The following HAO2 variants were observed in gnomAD, a reference collection of about 807,000 sequenced individuals.
The protein encoded by HAO2 is hydroxyacid oxidase 2.
Under a neutral mutation model 37.4 loss-of-function variants are expected in HAO2, and 42 were observed. That is an observed-to-expected ratio of 1.12 (90% CI 0.88 to 1.45). The LOEUF (loss-of-function observed/expected upper bound fraction) is 1.45. Among genes scored for constraint, HAO2 ranks in the 40% most tolerant of loss-of-function variants. The probability of loss-of-function intolerance (pLI) is 0.00; values close to 1 mark genes in which losing one functional copy is unlikely to be tolerated. For synonymous variants in HAO2, 180 were observed against 162.8 expected, an observed-to-expected ratio of 1.11 and a Z score of -0.81; for missense variants, 476 against 430.2, an observed-to-expected ratio of 1.11 and a Z score of -0.94.
intron 5 of HAO2, among the ~76,000 whole-genome samples, chr1:119,388,041 G>T (rs587751733): frequency 6.6e-6 from 1 of 152,302 alleles, no homozygotes; most frequent in East Asian, 1.9e-4. Flanking sequence ...TCTCTGGTAA[G>T]AGCTGAACCG....
chr1:119,376,659 T>C (rs149888070), intron 1 of HAO2, among the ~76,000 whole-genome samples: 2 of 152,246 alleles, frequency 1.3e-5, no homozygotes, highest in African/African-American at 4.8e-5. Context: ...GACATCCAAG[T>C]GTTTCTATAC....
rs587627698 is a variant in HAO2, at chr1:119,393,663, A to G, written c.1001-122A>G. On this transcript the variant is annotated intron_variant, in intron 7 of 7. Coordinates refer to ENST00000325945, the MANE Select transcript of HAO2 (RefSeq NM_016527.4). ...ACGTTATTCATTCTGTATGTAAACC[A>G]TTTTATAAGAGTGAGCACAAAGATC... 3.7e-5 allele frequency: 30 copies of G among 818,122 alleles called. No homozygotes were observed. The African/African-American group carries it at 4.0e-4, about 11-fold the overall frequency. The allele number at this position is 818,122 out of a possible 1,614,324, so 50.7% of individuals were successfully genotyped here. A position where few individuals can be genotyped will look rare whatever the true frequency, so the allele number is the denominator to read the frequency against.
chr1:119,392,234 T>G lies in HAO2; in HGVS notation c.896T>G (p.Leu299Arg), dbSNP rs1650970477. ...ALALGAKCIF[L>R]GRPILWGLAC... is the part of the protein sequence containing the mutation. ...GCCCTTGGAGCTAAGTGCATTTTTC[T>G]TGGGAGACCAATCCTATGGGGCCTT... Residue 299 changes from leucine to arginine, a missense_variant, in exon 6 of 8, where the codon CTT (leucine) becomes CGT (arginine). Transcript: ENST00000325945. 6.2e-7 allele frequency: 1 copy of G among 1,613,476 alleles called. No homozygotes were observed. Among genetic ancestry groups the G allele is most frequent in the East Asian group, 2.2e-5 (1 of 44,838 alleles).
At chr1:119,390,534 C>T (rs888234847) in intron 5 of HAO2, among the ~76,000 whole-genome samples, 3 of 152,232 alleles carry the variant, frequency 2.0e-5, no homozygotes, top group Non-Finnish European at 4.4e-5. Flanking sequence ...TAGGCATGAG[C>T]CACTGTGCCC....
At chr1:119,391,870 T>A (rs1321562540) in intron 5 of HAO2, among the ~76,000 whole-genome samples, 1 of 152,180 alleles carries the variant, frequency 6.6e-6, no homozygotes. Flanking sequence ...TTCCAACTTG[T>A]AAGACAGTTA....
chr1:119,374,396 T>C (rs1189065112), intron 1 of HAO2, among the ~76,000 whole-genome samples: 2 of 152,226 alleles, frequency 1.3e-5, no homozygotes, highest in Admixed American at 6.5e-5. Context: ...CTATACCCTT[T>C]GTATCCACTA....
Position 119,392,279 on chromosome 1 carries a change from C to A in HAO2, c.930+11C>A, listed in dbSNP as rs751428628. 1.3e-6 allele frequency: 2 copies of A among 1,594,240 alleles called. No individual in the cohort carries two copies. Among genetic ancestry groups the A allele is most frequent in the East Asian group, 4.5e-5 (2 of 44,658 alleles). ...GGCCTTGCCTGCAAGGTGAGAGTGG[C>A]AAAGCAAACCAGCAAGAAGATACAG... is the stretch of plus-strand genomic sequence containing the variant. On this transcript the variant is annotated intron_variant, in intron 6 of 7. Transcript: ENST00000325945.
chr1:119,372,085 G>A (rs116269557), intron 1 of HAO2, among the ~76,000 whole-genome samples: 1 of 152,130 alleles, frequency 6.6e-6, no homozygotes, highest in East Asian at 1.9e-4. Flanking sequence ...TTAAAATAGC[G>A]GTTGGATTCC....
At chr1:119,387,775 C>T (rs996217513) in intron 5 of HAO2, among the ~76,000 whole-genome samples, 1 of 152,142 alleles carries the variant, frequency 6.6e-6, no homozygotes, top group Non-Finnish European at 1.5e-5. Flanking sequence ...CATTGTAGAA[C>T]ATCTGTATTG....
chr1:119,378,255 A>G (rs1649639139), intron 1 of HAO2, among the ~76,000 whole-genome samples: 1 of 152,124 alleles, frequency 6.6e-6, no homozygotes. Context: ...ATAAATAAAT[A>G]AATAAACCCA....
intron 4 of HAO2, 101 bp from the exon 5 acceptor site, chr1:119,386,521 C>T (rs1650392140): frequency 1.3e-6 from 1 of 752,260 alleles, no homozygotes; most frequent in Non-Finnish European, 2.3e-6. Flanking sequence ...CTTCCTCCTT[C>T]CAGTTTATAA....
chr1:119,380,538 C>G, intron 1 of HAO2: 1 of 617,288 alleles, frequency 1.6e-6, no homozygotes, highest in South Asian at 2.1e-5. Context: ...TTCCTGGGAA[C>G]TACCAGATAG....
chr1:119,385,496 AG>A, intron 4 of HAO2: 2 of 767,932 alleles, frequency 2.6e-6, no homozygotes, highest in Non-Finnish European at 3.2e-6. Flanking sequence ...CTGGCCAGAC[AG>A]TCTAGACAGG....
At chr1:119,371,026 G>T (rs1434698819) in intron 1 of HAO2, among the ~76,000 whole-genome samples, 1 of 152,202 alleles carries the variant, frequency 6.6e-6, no homozygotes, top group African/African-American at 2.4e-5. Flanking sequence ...AGATGAAGAG[G>T]CAGGTGCAGT....
intron 1 of HAO2, chr1:119,380,405 C>T: frequency 2.6e-6 from 1 of 389,190 alleles, no homozygotes; most frequent in East Asian, 4.0e-5. Context: ...GATGGTGACC[C>T]TTGAGCCTCC....
rs765836844 is a variant in HAO2, at chr1:119,384,794, T to C, written c.302T>C (p.Ile101Thr). Residue 101 changes from isoleucine to threonine, a missense_variant, in exon 4 of 8, where the codon ATC becomes ACC. Ile to Thr is a moderately conservative substitution (Grantham distance 89, BLOSUM62 -1). Transcript: ENST00000325945. ...TTTACAGCTGCCCAAGCGGCTGGTA[T>C]CTGCTACATCACCAGCACATTTGCC... ...STARAAQAAG[I>T]CYITSTFASC... 6.2e-7 allele frequency: 1 copy of C among 1,613,748 alleles called. No individual in the cohort carries two copies. The highest frequency in any genetic ancestry group is 1.1e-5 in the South Asian group (1 of 91,072).
Position 119,368,911 on chromosome 1 carries a change from T to A in HAO2, c.-9+9T>A, listed in dbSNP as rs587759813. ...GAAGACATTAGAATAAGGTTTGTCA[T>A]TGAGTGTGTTCTGTGTGCTTGGAAC... On this transcript the variant is annotated intron_variant, in intron 1 of 7. Coordinates refer to ENST00000325945, the MANE Select transcript of HAO2 (RefSeq NM_016527.4). The A allele has an allele frequency of 1.3e-5, 2 of 152,262 alleles. No homozygotes were observed. Among genetic ancestry groups the A allele is most frequent in the African/African-American group, 4.8e-5 (2 of 41,550 alleles). 9.4% of individuals were successfully genotyped at this position (152,262 alleles called of 1,614,324 possible).
chr1:119,387,680 T>A (rs1296849207), intron 5 of HAO2, among the ~76,000 whole-genome samples: 1 of 152,218 alleles, frequency 6.6e-6, no homozygotes, highest in Non-Finnish European at 1.5e-5. Flanking sequence ...AGCATTATAT[T>A]AAGAGCAACT....
chr1:119,392,903 C>T (rs1482008646), intron 7 of HAO2, among the ~76,000 whole-genome samples: 1 of 152,078 alleles, frequency 6.6e-6, no homozygotes, highest in Non-Finnish European at 1.5e-5. Context: ...GGGAGTGTCA[C>T]CTCTGGCTCT....
Sources: allele counts gnomAD v4.1 joint callset (sites outside exome capture counted in the v4.1 genomes callset), GRCh38; gene constraint gnomAD v4.1.1; transcripts MANE v1.5; gene names NCBI Gene and HGNC (gene_info 2026-07-23, HGNC 2026-07-21).